The following PALLD variants were observed in gnomAD, a reference collection of about 807,000 sequenced individuals.
PALLD encodes palladin, cytoskeletal associated protein.
PALLD carries 61 observed loss-of-function variants against 123.5 expected under a neutral mutation model. That is an observed-to-expected ratio of 0.49 (90% CI 0.40 to 0.61). The LOEUF (loss-of-function observed/expected upper bound fraction) is 0.61. Among genes scored for constraint, PALLD ranks in the 20% least tolerant of loss-of-function variants. The pLI, the probability that PALLD is intolerant of heterozygous loss-of-function variation, is 0.00. For synonymous variants in PALLD, 465 were observed against 496.4 expected (o/e 0.94, Z 0.84); for missense variants, 1,273 against 1,377.0 (o/e 0.92, Z 1.20).
chr4:168,580,802 G>A (rs914187540), intron 2 of PALLD, among the ~76,000 whole-genome samples: 2 of 151,894 alleles, frequency 1.3e-5, no homozygotes, highest in Non-Finnish European at 2.9e-5. Context: ...CAAAAAAAAC[G>A]AGATCAAGTC....
intron 2 of PALLD, among the ~76,000 whole-genome samples, chr4:168,592,258 T>C (rs1363829781): frequency 1.3e-5 from 2 of 151,896 alleles, no homozygotes. Context: ...ACTCCAGACC[T>C]CATGATCCGC....
At chr4:168,563,000 C>T (rs1003280370) in intron 2 of PALLD, among the ~76,000 whole-genome samples, 10 of 152,100 alleles carry the variant, frequency 6.6e-5, no homozygotes, top group African/African-American at 1.2e-4. Flanking sequence ...GTTGGATTTG[C>T]GGTATATTTT....
At chr4:168,804,706 G>A (rs940203266) in intron 10 of PALLD, among the ~76,000 whole-genome samples, 2 of 152,196 alleles carry the variant, frequency 1.3e-5, no homozygotes, top group African/African-American at 4.8e-5. Flanking sequence ...CTTTAATTAA[G>A]TAAATATTAT....
intron 2 of PALLD, among the ~76,000 whole-genome samples, chr4:168,626,688 G>GT (rs1248080121): frequency 6.7e-6 from 1 of 150,104 alleles, no homozygotes; most frequent in Non-Finnish European, 1.5e-5. Flanking sequence ...TCCAGCCTGG[G>GT]TAACAGAGTG....
chr4:168,757,864 G>A (rs1032694092), intron 10 of PALLD, among the ~76,000 whole-genome samples: 1 of 152,226 alleles, frequency 6.6e-6, no homozygotes, highest in Non-Finnish European at 1.5e-5. Context: ...CCGAGGTCAG[G>A]AGTTCGAGAC....
At chr4:168,924,877 A>G (rs996863687) in intron 19 of PALLD, 68 bp from the exon 20 acceptor site, 8 of 1,493,832 alleles carry the variant, frequency 5.4e-6, no homozygotes, top group Middle Eastern at 1.7e-4. Context: ...CTAATTAAAA[A>G]TGATGCTTCA....
intron 2 of PALLD, among the ~76,000 whole-genome samples, chr4:168,666,282 TTA>T (rs756667603): frequency 3.9e-4 from 59 of 152,298 alleles, no homozygotes; most frequent in Non-Finnish European, 7.1e-4. Context: ...AGTAGGTGGT[TTA>T]TATCTTTTTT....
intron 10 of PALLD, among the ~76,000 whole-genome samples, chr4:168,799,360 G>A (rs1288678179): frequency 6.6e-6 from 1 of 152,170 alleles, no homozygotes; most frequent in East Asian, 1.9e-4. Context: ...GAAAACCCTT[G>A]TTCTTTGCTT....
At chr4:168,666,637 G>A (rs1308708800) in intron 2 of PALLD, among the ~76,000 whole-genome samples, 1 of 152,156 alleles carries the variant, frequency 6.6e-6, no homozygotes, top group Non-Finnish European at 1.5e-5. Context: ...ATAAGAAAAC[G>A]ATAGGGCCAA....
intron 2 of PALLD, among the ~76,000 whole-genome samples, chr4:168,523,265 AGGGAGGAAGGAGGG>A (rs1763737722): frequency 7.9e-6 from 1 of 127,088 alleles, no homozygotes; most frequent in Non-Finnish European, 1.6e-5. Context: ...GGAAGGAGGA[AGGGAGGAAGGAGGG>A]GGGAGGGAGG....
At chr4:168,667,688 G>A (rs578012312) in intron 2 of PALLD, among the ~76,000 whole-genome samples, 1 of 152,276 alleles carries the variant, frequency 6.6e-6, no homozygotes, top group South Asian at 2.1e-4. Context: ...AATGTGGAAG[G>A]CATTAAATCT....
At chr4:168,911,035 TTAA>T (rs1758842532) in intron 15 of PALLD, among the ~76,000 whole-genome samples, 1 of 152,184 alleles carries the variant, frequency 6.6e-6, no homozygotes, top group African/African-American at 2.4e-5. Context: ...TATGAGGAAT[TTAA>T]TAATGATAAT....
chr4:168,637,462 C>T (rs1776458290), intron 2 of PALLD, among the ~76,000 whole-genome samples: 1 of 151,410 alleles, frequency 6.6e-6, no homozygotes, highest in Non-Finnish European at 1.5e-5. Context: ...CCATGTTCTT[C>T]CTATGTCACT....
rs144658553 is a variant in PALLD, at chr4:168,581,770, A to G, written c.908+69358A>G. 9.3e-3 allele frequency among the ~76,000 whole-genome samples: 1,410 copies of G among 152,018 alleles called. 10 individuals carry two copies. The highest frequency in any genetic ancestry group is 0.041 in the Middle Eastern group (12 of 294). ...TTGCAGAAGGTTTTAGTCTGATGCAATCCCATTTAACTATTTTTACTTTTG... is the reference window on the plus strand; with the variant it reads ...TTGCAGAAGGTTTTAGTCTGATGCAGTCCCATTTAACTATTTTTACTTTTG... On this transcript the variant is annotated intron_variant, in intron 2 of 21. Transcript: ENST00000505667.
intron 10 of PALLD, among the ~76,000 whole-genome samples, chr4:168,796,501 C>A (rs1738525113): frequency 6.6e-6 from 1 of 152,180 alleles, no homozygotes; most frequent in South Asian, 2.1e-4. Context: ...TAAGGTACAC[C>A]AGGCTAGAAG....
At chr4:168,673,232 T>C (rs927234439) in intron 3 of PALLD, among the ~76,000 whole-genome samples, 1 of 152,134 alleles carries the variant, frequency 6.6e-6, no homozygotes, top group African/African-American at 2.4e-5. Context: ...AGTAAACTCA[T>C]AAGGCATTCC....
chr4:168,715,350 G>A (rs370530471), intron 10 of PALLD, among the ~76,000 whole-genome samples: 1 of 152,180 alleles, frequency 6.6e-6, no homozygotes, highest in Non-Finnish European at 1.5e-5. Context: ...TTTGTGCAAC[G>A]CCTTACCACC....
At chr4:168,635,504 A>G (rs1776252638) in intron 2 of PALLD, among the ~76,000 whole-genome samples, 1 of 152,176 alleles carries the variant, frequency 6.6e-6, no homozygotes, top group African/African-American at 2.4e-5. Flanking sequence ...ATCTATTATC[A>G]CTTCACTCTG....
Position 168,912,798 on chromosome 4 carries a change from A to G in PALLD, c.2623-1129A>G, listed in dbSNP as rs1196109957. The stretch of plus-strand genomic sequence containing the variant: ...ATTATTGTTATCCTACAGTGCTGTG[A>G]AACACTAAAACTTTTTCCTCCTATG... On this transcript the variant is annotated intron_variant, in intron 15 of 21. Transcript: ENST00000505667. Among the ~76,000 whole-genome samples the G allele has an allele frequency of 4.6e-5, 7 of 152,206 alleles. No homozygotes were observed. In the East Asian group the frequency reaches 1.3e-3, roughly 29 times the overall value.
Sources: gnomAD v4.1 joint callset for allele counts (sites outside exome capture counted in the v4.1 genomes callset) on GRCh38, gnomAD v4.1.1 for gene constraint, MANE v1.5 for transcripts, NCBI Gene and HGNC (gene_info 2026-07-23, HGNC 2026-07-21) for gene names.